Variants in MACROD2 observed in about 807,000 individuals in gnomAD.
MACROD2 encodes the protein ADP-ribose glycohydrolase MACROD2.
Under a neutral mutation model 70.4 loss-of-function variants are expected in MACROD2, and 36 were observed. That is an observed-to-expected ratio of 0.51 (90% CI 0.39 to 0.68). The LOEUF (loss-of-function observed/expected upper bound fraction) is 0.68, where lower values mean the gene tolerates loss of function less well. Among genes scored for constraint, MACROD2 ranks in the 30% least tolerant of loss-of-function variants. MACROD2 has a pLI of 0.00. For missense variants in MACROD2, 496 were observed against 538.4 expected, an observed-to-expected ratio of 0.92 and a Z score of 0.78; for synonymous variants, 172 against 178.8, an observed-to-expected ratio of 0.96 and a Z score of 0.30.
Position 15,926,737 on chromosome 20 carries a change from T to C in MACROD2, c.776-6539T>C, listed in dbSNP as rs114152569. Among the ~76,000 whole-genome samples, 1,182 of 152,302 alleles carry C rather than the reference T, an allele frequency of 7.8e-3. 14 individuals are homozygous for C. Among genetic ancestry groups the C allele is most frequent in the African/African-American group, 0.027 (1,125 of 41,576 alleles). On this transcript the variant is annotated intron_variant, in intron 10 of 17. Coordinates refer to ENST00000684519, the MANE Select transcript of MACROD2 (RefSeq NM_001351661.2). The stretch of plus-strand genomic sequence containing the variant: ...GGCCTGGGGAGAGGAGACTCCAATG[T>C]GCTGGAGGAACAGCACAGAGGCCAG...
At chr20:15,269,556 A>G (rs1435458919) in intron 6 of MACROD2, among the ~76,000 whole-genome samples, 1 of 152,250 alleles carries the variant, frequency 6.6e-6, no homozygotes, top group East Asian at 1.9e-4. Flanking sequence ...GATAGTCAGC[A>G]GTGAATAGTC....
rs115420734 is a variant in MACROD2, at chr20:15,533,394, G to A, written c.645+33547G>A. Among the ~76,000 whole-genome samples, 968 of 152,212 alleles carry A rather than the reference G, an allele frequency of 6.4e-3. 9 individuals carry two copies. Among genetic ancestry groups the A allele is most frequent in the African/African-American group, 0.021 (889 of 41,532 alleles). ...CTACATAAGACAGATGCTTTCTACC[G>A]TAATTTATAAACATACGCTTTAGGA... On this transcript the variant is annotated intron_variant, in intron 8 of 17. Transcript: ENST00000684519.
chr20:15,675,508 T>G (rs965234910), intron 8 of MACROD2, among the ~76,000 whole-genome samples: 2 of 152,206 alleles, frequency 1.3e-5, no homozygotes, highest in African/African-American at 4.8e-5. Flanking sequence ...TGCATTTGCT[T>G]ACGGTAAATT....
chr20:14,936,487 T>C (rs2074341351), intron 5 of MACROD2, among the ~76,000 whole-genome samples: 1 of 152,188 alleles, frequency 6.6e-6, no homozygotes, highest in Non-Finnish European at 1.5e-5. Flanking sequence ...TCTTTATATA[T>C]GCCTATAATG....
At chr20:15,355,166 G>T (rs1296905961) in intron 6 of MACROD2, among the ~76,000 whole-genome samples, 1 of 152,106 alleles carries the variant, frequency 6.6e-6, no homozygotes, top group Non-Finnish European at 1.5e-5. Flanking sequence ...CAAGTTAAAG[G>T]CTCAGTCATC....
chr20:15,379,141 A>T (rs2045606619), intron 6 of MACROD2, among the ~76,000 whole-genome samples: 5 of 152,214 alleles, frequency 3.3e-5, no homozygotes, highest in Admixed American at 3.3e-4. Flanking sequence ...TATTGGTTAT[A>T]TCAAGAGGTA....
intron 4 of MACROD2, among the ~76,000 whole-genome samples, chr20:14,577,794 A>AAAGAAGAGAAGAGAAGAGAAGAG (rs775454835): frequency 7.3e-6 from 1 of 137,728 alleles, no homozygotes; most frequent in African/African-American, 2.6e-5. Context: ...AAAGAAAAGG[A>AAAGAAGAGAAGAGAAGAGAAGAG]AAGAGAAGAG....
Position 14,064,333 on chromosome 20 carries a change from A to G in MACROD2, c.164-21288A>G, listed in dbSNP as rs1406345945. Among the ~76,000 whole-genome samples the G allele has an allele frequency of 2.6e-5, 4 of 152,118 alleles. No individual in the cohort carries two copies. The South Asian group carries it at 6.2e-4, about 24-fold the overall frequency. On this transcript the variant is annotated intron_variant, in intron 2 of 17. Transcript: ENST00000684519. ...ACTACCACATGATGGTGTCTCCTAA[A>G]TCTACATCTCTAGCCTGAAAACCTT...
rs887594186 is a variant in MACROD2, at chr20:15,416,276, C to CCTTTT, written c.541-15120_541-15116dup. Among the ~76,000 whole-genome samples the CCTTTT allele has an allele frequency of 4.7e-4, 71 of 152,290 alleles. No individual in the cohort carries two copies. The South Asian group carries it at 0.014, about 31-fold the overall frequency. On this transcript the variant is annotated intron_variant, in intron 6 of 17. Coordinates refer to ENST00000684519, the MANE Select transcript of MACROD2 (RefSeq NM_001351661.2). ...ATATGACTACAATCAATTTCTTTCT[C>CCTTTT]CTTTTCTTTTCTTGCTTTCTTTTAT...
intron 4 of MACROD2, among the ~76,000 whole-genome samples, chr20:14,619,153 G>A (rs974217385): frequency 1.3e-5 from 2 of 151,676 alleles, no homozygotes; most frequent in African/African-American, 4.8e-5. Flanking sequence ...GTAACAAGGT[G>A]GTTTCTAGGC....
At chr20:15,578,390 A>G (rs1172929758) in intron 8 of MACROD2, among the ~76,000 whole-genome samples, 4 of 152,150 alleles carry the variant, frequency 2.6e-5, no homozygotes, top group Admixed American at 2.6e-4. Context: ...AAATGTCTTC[A>G]CCTGCTTAAG....
At chr20:15,103,951 G>T (rs545448851) in intron 5 of MACROD2, among the ~76,000 whole-genome samples, 2 of 152,090 alleles carry the variant, frequency 1.3e-5, no homozygotes, top group Non-Finnish European at 2.9e-5. Context: ...ATAGAGAATG[G>T]GTTACAATCA....
intron 7 of MACROD2, among the ~76,000 whole-genome samples, chr20:15,454,600 G>T (rs1337083347): frequency 6.6e-6 from 1 of 151,964 alleles, no homozygotes; most frequent in Non-Finnish European, 1.5e-5. Context: ...TATTCTTAAG[G>T]TTTCCTTCTC....
chr20:15,988,179 A>G (rs541320381), intron 15 of MACROD2, among the ~76,000 whole-genome samples: 2 of 152,278 alleles, frequency 1.3e-5, no homozygotes, highest in South Asian at 4.1e-4. Context: ...TTCCATGTCT[A>G]TGCCTCTAAT....
intron 3 of MACROD2, among the ~76,000 whole-genome samples, chr20:14,189,886 A>G (rs574363734): frequency 1.3e-5 from 2 of 152,330 alleles, no homozygotes; most frequent in South Asian, 4.1e-4. Flanking sequence ...ATTGGCATAG[A>G]AACTATTTCA....
At chr20:15,757,885 T>C (rs2051371558) in intron 8 of MACROD2, among the ~76,000 whole-genome samples, 1 of 152,156 alleles carries the variant, frequency 6.6e-6, no homozygotes, top group African/African-American at 2.4e-5. Flanking sequence ...CCAAATACCA[T>C]CACATTGGAG....
chr20:15,702,458 A>G (rs964447842), intron 8 of MACROD2, among the ~76,000 whole-genome samples: 1 of 152,122 alleles, frequency 6.6e-6, no homozygotes, highest in African/African-American at 2.4e-5. Flanking sequence ...GGCCACTTGT[A>G]TGTCTTCTTT....
At chr20:14,151,116 G>A (rs1189929269) in intron 3 of MACROD2, among the ~76,000 whole-genome samples, 3 of 152,236 alleles carry the variant, frequency 2.0e-5, no homozygotes, top group African/African-American at 7.2e-5. Context: ...CTTCATGATA[G>A]TAGAAGAGTT....
At chr20:15,398,472 G>A (rs1480738034) in intron 6 of MACROD2, among the ~76,000 whole-genome samples, 1 of 152,196 alleles carries the variant, frequency 6.6e-6, no homozygotes, top group African/African-American at 2.4e-5. Context: ...TAAGAGTACA[G>A]TTGTAGTGGT....
Sources: gnomAD v4.1 joint callset for allele counts (sites outside exome capture counted in the v4.1 genomes callset) on GRCh38, gnomAD v4.1.1 for gene constraint, MANE v1.5 for transcripts, NCBI Gene and HGNC (gene_info 2026-07-23, HGNC 2026-07-21) for gene names.